Variants in CDK16 observed in about 807,000 individuals in gnomAD.
CDK16 encodes the protein cyclin dependent kinase 16.
In CDK16, 2 loss-of-function variants were observed where a neutral mutation model predicts 41.6. The observed-to-expected ratio is 0.05, with a 90% CI of 0.02 to 0.15. The LOEUF is 0.15. CDK16 is among the 10% of genes least tolerant of loss of function. The pLI is 1.00. For synonymous variants in CDK16, 169 were observed against 169.7 expected, an observed-to-expected ratio of 1.00 and a Z score of 0.03; for missense variants, 228 against 428.9, an observed-to-expected ratio of 0.53 and a Z score of 4.14.
intron 1 of CDK16, chrX:47,223,316 G>T (rs1433090002): frequency 2.6e-6 from 3 of 1,152,913 alleles, no homozygotes; most frequent in Non-Finnish European, 3.4e-6. Context: ...ACTCAGGTGG[G>T]CTACGTAGGA....
chrX:47,218,925 GCCGCCT>G lies in CDK16; in HGVS notation c.-184_-179del. 9.7e-7 allele frequency: 1 copy of G among 1,033,468 alleles called. No homozygotes were observed. 85.2% of individuals were successfully genotyped at this position (1,033,468 alleles called of 1,213,427 possible). On this transcript the variant is annotated 5_prime_UTR_variant, in exon 1 of 16. Coordinates refer to ENST00000357227, the MANE Select transcript of CDK16 (RefSeq NM_006201.5). ...CTCCGCCTCAGCCACCGCCGCCGCC[GCCGCCT>G]CCTCCTCCTCAGCCGGCGGCGGCCC...
chrX:47,224,733 G>A lies in CDK16; in HGVS notation c.452G>A (p.Arg151His). 8.3e-7 allele frequency: 1 copy of A among 1,211,606 alleles called. No individual in the cohort carries two copies. Among genetic ancestry groups the A allele is most frequent in the African/African-American group, 1.7e-5 (1 of 57,742 alleles). ...FDKPLSRRLR[R>H]VSLSEIGFGK... ...AAGCCCCTCAGCCGCCGCCTCCGTC[G>A]TGTCAGCCTAGTAAGCACCTTCTGT... Residue 151 changes from arginine to histidine, a missense_variant, in exon 4 of 16, where the codon CGT becomes CAT. Physicochemically the swap from Arg to His is conservative, Grantham distance 29 (BLOSUM62 0). This residue lies in a region of CDK16 where 66 missense variants were observed against 197.2 expected (regional missense o/e 0.33). Transcript: ENST00000357227.
Position 47,227,117 on chromosome X carries a change from G to T in CDK16, c.1241+18G>T, listed in dbSNP as rs7053262. 1.5e-3 allele frequency: 1,836 copies of T among 1,205,124 alleles called. 17 individuals carry two copies. The African/African-American group carries it at 0.029, about 19-fold the overall frequency. On this transcript the variant is annotated intron_variant, in intron 12 of 15. Transcript: ENST00000357227. Reference sequence around the variant, plus strand: ...GCACCCCGGTGAGGCTGGTGGGTGGGTGGGCGTTAGGGGCCAGAGTGTCCA... The same window carrying T: ...GCACCCCGGTGAGGCTGGTGGGTGGTTGGGCGTTAGGGGCCAGAGTGTCCA...
At chrX:47,222,964 C>T (rs1937405172) in intron 1 of CDK16, 1 of 798,386 alleles carries the variant, frequency 1.3e-6, no homozygotes, top group East Asian at 5.3e-5. Context: ...CCCTCCCCCC[C>T]CCCACCTGGG....
chrX:47,226,252 C>T (rs772674979), intron 8 of CDK16, 27 bp from the exon 9 acceptor site: 2 of 1,207,506 alleles, frequency 1.7e-6, no homozygotes, highest in African/African-American at 3.5e-5. Context: ...AGTCTTTGAC[C>T]TCTGCCTGCC....
chrX:47,218,490 G>C, upstream of CDK16: 1 of 739,219 alleles, frequency 1.4e-6, no homozygotes, highest in Non-Finnish European at 1.9e-6. Context: ...CCAGGTTACT[G>C]GCCACTGCTC....
At chrX:47,223,800 C>T in intron 2 of CDK16, 41 bp downstream of exon 2, 1 of 1,132,638 alleles carries the variant, frequency 8.8e-7, no homozygotes. Context: ...TGGCCCCAGG[C>T]TGCTTCCCAG....
At chrX:47,218,470 G>A (rs1294350824), upstream of CDK16, 9 of 603,971 alleles carry the variant, frequency 1.5e-5, no homozygotes, top group African/African-American at 2.1e-4. Flanking sequence ...AACGAGTGGT[G>A]ATTGACGCGC....
rs770995841 is a variant in CDK16, at chrX:47,228,658, C to A, written c.1453+14C>A. 25 of 1,207,840 alleles carry A rather than the reference C, an allele frequency of 2.1e-5. No individual in the cohort carries two copies. Among genetic ancestry groups the A allele is most frequent in the African/African-American group, 3.5e-5 (2 of 57,755 alleles). On this transcript the variant is annotated intron_variant, in intron 15 of 15. Coordinates refer to ENST00000357227, the MANE Select transcript of CDK16 (RefSeq NM_006201.5). The stretch of plus-strand genomic sequence containing the variant: ...TGCCTGACTCAGGTAGGTATAGCCC[C>A]TTGTCTTCCTCCCTGCCCCACCCAC...
Position 47,224,692 on chromosome X carries a change from T to G in CDK16, c.411T>G (p.Asn137Lys). The change falls in exon 4 of 16, where the codon AAT becomes AAG. Residue 137 changes from asparagine to lysine, a missense_variant. Physicochemically the swap from Asn to Lys is moderately conservative, Grantham distance 94. Around this residue, in one of 3 missense-constraint regions of CDK16, gnomAD observed 66 missense variants for 197.2 expected, o/e 0.33. Coordinates refer to ENST00000357227, the MANE Select transcript of CDK16 (RefSeq NM_006201.5). ...PEGYLEKLTL[N>K]SPIFDKPLSR... ...GCTACCTGGAGAAGCTGACCCTCAA[T>G]AGCCCCATCTTTGACAAGCCCCTCA... The G allele has an allele frequency of 8.3e-7, 1 of 1,211,362 alleles. No homozygotes were observed. The highest frequency in any genetic ancestry group is 1.1e-6 in the Non-Finnish European group (1 of 895,342).
chrX:47,229,149 C>T lies in CDK16; in HGVS notation c.*381C>T, dbSNP rs1015441750. The stretch of plus-strand genomic sequence containing the variant: ...CAGAGCTAGCCCAGGCTGGGGATCT[C>T]GACTCAGACAAGATGGTGACAATGC... On this transcript the variant is annotated 3_prime_UTR_variant, in exon 16 of 16. Coordinates refer to ENST00000357227, the MANE Select transcript of CDK16 (RefSeq NM_006201.5). 3 of 308,038 alleles carry T rather than the reference C, an allele frequency of 9.7e-6. No individual in the cohort carries two copies. The highest frequency in any genetic ancestry group is 3.9e-5 in the South Asian group (1 of 25,770). 25.4% of individuals were successfully genotyped at this position (308,038 alleles called of 1,213,427 possible).
intron 14 of CDK16, 30 bp from the exon 15 acceptor site, chrX:47,228,537 C>T (rs750976058): frequency 3.4e-6 from 4 of 1,168,526 alleles, no homozygotes; most frequent in Non-Finnish European, 3.5e-6. Context: ...CATGGGTCAT[C>T]CCCCACTTCT....
At chrX:47,225,153 G>A (rs767103070) in intron 6 of CDK16, 51 bp downstream of exon 6, 15 of 841,736 alleles carry the variant, frequency 1.8e-5, no homozygotes, top group Middle Eastern at 2.8e-4. Context: ...CACCCCTGGC[G>A]CACACACTCC....
chrX:47,228,493 C>A, intron 14 of CDK16, 74 bp from the exon 15 acceptor site: 1 of 871,027 alleles, frequency 1.1e-6, no homozygotes, highest in Non-Finnish European at 1.7e-6. Flanking sequence ...TAATTCTTCC[C>A]ATGGGGTCAT....
rs780885349 is a variant in CDK16, at chrX:47,224,763, G to A, written c.462+20G>A. Reference sequence around the variant, plus strand: ...AGCCTAGTAAGCACCTTCTGTTCCCGTCCTCTCCTTTTTCTTCTCTCCCAG... The same window carrying A: ...AGCCTAGTAAGCACCTTCTGTTCCCATCCTCTCCTTTTTCTTCTCTCCCAG... On this transcript the variant is annotated intron_variant, in intron 4 of 15. Coordinates refer to ENST00000357227, the MANE Select transcript of CDK16 (RefSeq NM_006201.5). 12 of 1,211,207 alleles carry A rather than the reference G, an allele frequency of 9.9e-6. No homozygotes were observed. Among genetic ancestry groups the A allele is most frequent in the African/African-American group, 3.5e-5 (2 of 57,653 alleles).
chrX:47,228,724 C>T lies in CDK16; in HGVS notation c.1454-7C>T. 1 of 1,209,966 alleles carries T rather than the reference C, an allele frequency of 8.3e-7. No individual in the cohort carries two copies. On this transcript the variant is annotated splice_polypyrimidine_tract_variant and splice_region_variant and intron_variant, in intron 15 of 15. Transcript: ENST00000357227. ...CCAACAGCCATCTGCTCTGCTTTCCCCCACAGGCAGGCCAGCTTTCCGCGT... is the reference window on the plus strand; with the variant it reads ...CCAACAGCCATCTGCTCTGCTTTCCTCCACAGGCAGGCCAGCTTTCCGCGT...
rs1308469169 is a variant in CDK16 at position 47,223,440 on chromosome X, G to C, written c.-6-112G>C. The C allele has an allele frequency of 6.1e-6, 6 of 980,211 alleles. No homozygotes were observed. In the East Asian group the frequency reaches 2.0e-4, roughly 33 times the overall value. 80.8% of individuals were successfully genotyped at this position (980,211 alleles called of 1,213,427 possible). On this transcript the variant is annotated intron_variant, in intron 1 of 15. Coordinates refer to ENST00000357227, the MANE Select transcript of CDK16 (RefSeq NM_006201.5). ...TCTGGGGTCCATAGTGGTTGAGTGA[G>C]CACTGACAAGTTCATGTCAGTGCCC...
At chrX:47,219,356 G>A (rs781989337) in intron 1 of CDK16, among the ~76,000 whole-genome samples, 3 of 109,527 alleles carry the variant, frequency 2.7e-5, no homozygotes, top group East Asian at 5.8e-4. Flanking sequence ...ACCAAAGGGT[G>A]TGGAAATGGG....
In CDK16 at chrX:47,224,366, C is replaced by A. The variant is rs1312885066; in HGVS notation, c.203-19C>A. On this transcript the variant is annotated intron_variant, in intron 2 of 15. Coordinates refer to ENST00000357227, the MANE Select transcript of CDK16 (RefSeq NM_006201.5). ...TCCTGACCCCACCTGGCCTGCCCTA[C>A]CCCTCTCCCTGCCACCAGAGATTGT... The A allele has an allele frequency of 8.5e-7, 1 of 1,173,021 alleles. No individual in the cohort carries two copies. The highest frequency in any genetic ancestry group is 1.1e-6 in the Non-Finnish European group (1 of 875,706).
Sources: allele counts gnomAD v4.1 joint callset (sites outside exome capture counted in the v4.1 genomes callset), GRCh38; gene constraint gnomAD v4.1.1; regional missense constraint gnomAD v4.1.1; transcripts MANE v1.5; gene names NCBI Gene and HGNC (gene_info 2026-07-23, HGNC 2026-07-21).